Variants in PREX2 observed in about 807,000 individuals in gnomAD.
PREX2 encodes phosphatidylinositol 3,4,5-trisphosphate-dependent Rac exchanger 2 protein.
In PREX2, 107 loss-of-function variants were observed where a neutral mutation model predicts 203.2. That is an observed-to-expected ratio of 0.53 (90% CI 0.45 to 0.62). PREX2 has a LOEUF of 0.62. PREX2 is among the 20% of genes least tolerant of loss of function. The pLI is 0.00. For missense variants in PREX2, 1,777 were observed against 1,955.9 expected (o/e 0.91, Z 1.72); for synonymous variants, 672 against 663.6 (o/e 1.01, Z -0.19).
chr8:68,230,200 A>G (rs1813139014), intron 39 of PREX2, among the ~76,000 whole-genome samples: 1 of 152,226 alleles, frequency 6.6e-6, no homozygotes, highest in Non-Finnish European at 1.5e-5. Flanking sequence ...TTGATCTATA[A>G]TTAGCATGGG....
intron 39 of PREX2, among the ~76,000 whole-genome samples, chr8:68,229,511 C>A (rs527645652): frequency 1.3e-5 from 2 of 152,288 alleles, no homozygotes; most frequent in East Asian, 3.9e-4. Flanking sequence ...ACTCAAATAA[C>A]CCTGAGTCAC....
chr8:67,956,416 T>G (rs937892077), intron 1 of PREX2, among the ~76,000 whole-genome samples: 5 of 152,264 alleles, frequency 3.3e-5, no homozygotes, highest in African/African-American at 1.2e-4. Flanking sequence ...GCTCTGCTAT[T>G]GCCATCTTGA....
At chr8:68,224,714 G>C (rs1211999966) in intron 39 of PREX2, 88 bp downstream of exon 39, 5 of 959,074 alleles carry the variant, frequency 5.2e-6, no homozygotes, top group Admixed American at 1.9e-5. Context: ...ACTGATCTAG[G>C]ATGTGCCCCG....
chr8:68,097,290 G>A (rs554743300), intron 22 of PREX2, 89 bp downstream of exon 22: 3 of 1,046,236 alleles, frequency 2.9e-6, no homozygotes, highest in East Asian at 5.2e-5. Flanking sequence ...AATAAAAATA[G>A]CTATACATGT....
intron 8 of PREX2, among the ~76,000 whole-genome samples, chr8:68,050,912 G>C (rs1808509254): frequency 6.6e-6 from 1 of 152,118 alleles, no homozygotes; most frequent in Admixed American, 6.6e-5. Flanking sequence ...AGCATGGTGG[G>C]AACATATTAG....
rs147655114 is a variant in PREX2 at position 67,995,662 on chromosome 8, G to A, written c.142-22184G>A. On this transcript the variant is annotated intron_variant, in intron 1 of 39. Transcript: ENST00000288368. ...TACATCTTAATGGATGGTATTTATG[G>A]GAAGCATTGATATGCTCGTTGTGTT... 1.1e-4 allele frequency among the ~76,000 whole-genome samples: 17 copies of A among 152,226 alleles called. No homozygotes were observed. The East Asian group carries it at 3.3e-3, about 29-fold the overall frequency.
At chr8:67,995,225 T>A (rs1019155392) in intron 1 of PREX2, among the ~76,000 whole-genome samples, 2 of 152,186 alleles carry the variant, frequency 1.3e-5, no homozygotes, top group African/African-American at 2.4e-5. Context: ...TGATTACATT[T>A]TTTGTGATAA....
At chr8:68,229,777 GC>G (rs1813130400) in intron 39 of PREX2, among the ~76,000 whole-genome samples, 2 of 152,176 alleles carry the variant, frequency 1.3e-5, no homozygotes, top group Non-Finnish European at 2.9e-5. Flanking sequence ...ACGTGACTAA[GC>G]CCATTGTGCC....
chr8:68,089,896 A>G lies in PREX2; in HGVS notation c.2114-683A>G, dbSNP rs550202945. On this transcript the variant is annotated intron_variant, in intron 19 of 39. Transcript: ENST00000288368. ...TGATTTGATCACACTATCAAATAAC[A>G]ATAATTGGAAGGTTGTGAGAAATCT... Among the ~76,000 whole-genome samples, 173 of 152,286 alleles carry G rather than the reference A, an allele frequency of 1.1e-3. 3 individuals carry two copies. In the South Asian group the frequency reaches 0.035, roughly 31 times the overall value.
rs966277181 is a variant in PREX2, at chr8:67,986,302, C to A, written c.142-31544C>A. ...GGTACAGAGAAATTAGAGAAATTCC[C>A]AGAATCACCCAGCTCGGAAGTAGCA... On this transcript the variant is annotated intron_variant, in intron 1 of 39. Transcript: ENST00000288368. 6.6e-5 allele frequency among the ~76,000 whole-genome samples: 10 copies of A among 151,972 alleles called. No individual in the cohort carries two copies. In the East Asian group the frequency reaches 1.7e-3, roughly 27 times the overall value.
chr8:68,178,375 T>C (rs930295786), intron 35 of PREX2, among the ~76,000 whole-genome samples: 1 of 152,180 alleles, frequency 6.6e-6, no homozygotes, highest in Non-Finnish European at 1.5e-5. Flanking sequence ...TAATGATCAG[T>C]GATGTTGAGC....
At chr8:68,015,022 A>T (rs1175503726) in intron 1 of PREX2, among the ~76,000 whole-genome samples, 2 of 152,222 alleles carry the variant, frequency 1.3e-5, no homozygotes, top group East Asian at 3.9e-4. Flanking sequence ...CAAGATGAAG[A>T]TTATCTGATT....
rs541061069 is a variant in PREX2 at position 68,091,053 on chromosome 8, A to G, written c.2250+338A>G. Among the ~76,000 whole-genome samples, 6 of 152,274 alleles carry G rather than the reference A, an allele frequency of 3.9e-5. No homozygotes were observed. In the South Asian group the frequency reaches 6.2e-4, roughly 16 times the overall value. ...GATTGCTTTAGAATATGTAATGATC[A>G]TTGTGTCTGTGTCTGTATGTATGAA... On this transcript the variant is annotated intron_variant, in intron 20 of 39. Coordinates refer to ENST00000288368, the MANE Select transcript of PREX2 (RefSeq NM_024870.4).
chr8:67,977,656 C>A (rs1477782314), intron 1 of PREX2, among the ~76,000 whole-genome samples: 3 of 152,080 alleles, frequency 2.0e-5, no homozygotes, highest in Non-Finnish European at 4.4e-5. Flanking sequence ...AGGGTTGGGA[C>A]TTTTCAGCCC....
At chr8:68,204,152 C>A (rs534414098) in intron 37 of PREX2, among the ~76,000 whole-genome samples, 16 of 152,098 alleles carry the variant, frequency 1.1e-4, no homozygotes, top group Non-Finnish European at 8.8e-5. Flanking sequence ...AAGGTCCTAA[C>A]ACACTGCTGT....
intron 4 of PREX2, among the ~76,000 whole-genome samples, chr8:68,023,501 T>G (rs947916239): frequency 6.6e-6 from 1 of 152,194 alleles, no homozygotes; most frequent in Admixed American, 6.6e-5. Flanking sequence ...TGTAAATGTT[T>G]GTTATTTCAG....
chr8:68,157,369 G>A lies in PREX2; in HGVS notation c.4279G>A (p.Glu1427Lys), dbSNP rs777049204. The change falls in exon 35 of 40, where the codon GAA becomes AAA. Residue 1427 changes from glutamate to lysine, a missense_variant. Physicochemically the swap from Glu to Lys is moderately conservative, Grantham distance 56 (BLOSUM62 1). Coordinates refer to ENST00000288368, the MANE Select transcript of PREX2 (RefSeq NM_024870.4). ...TTATTACAGAGACAATGTTTCTGTGGAAGAATTTCAAGCTCAGATAAATGC... is the reference window on the plus strand; with the variant it reads ...TTATTACAGAGACAATGTTTCTGTGAAAGAATTTCAAGCTCAGATAAATGC... Reference protein sequence around the residue: ...GYYYRDNVSVEEFQAQINAAS... With the variant: ...GYYYRDNVSVKEFQAQINAAS... The A allele has an allele frequency of 1.2e-6, 2 of 1,612,686 alleles. No individual in the cohort carries two copies.
chr8:68,133,117 G>T (rs908269690), intron 31 of PREX2, among the ~76,000 whole-genome samples: 1 of 152,142 alleles, frequency 6.6e-6, no homozygotes, highest in African/African-American at 2.4e-5. Flanking sequence ...GGGGAAGGAG[G>T]CATGTCTTAC....
At chr8:68,195,303 A>G (rs1190069037) in intron 37 of PREX2, among the ~76,000 whole-genome samples, 3 of 152,198 alleles carry the variant, frequency 2.0e-5, no homozygotes, top group Non-Finnish European at 4.4e-5. Context: ...AAATACTTTA[A>G]CTTTCTTGAT....
Sources: allele counts gnomAD v4.1 joint callset (sites outside exome capture counted in the v4.1 genomes callset), GRCh38; gene constraint gnomAD v4.1.1; transcripts MANE v1.5; gene names NCBI Gene and HGNC (gene_info 2026-07-23, HGNC 2026-07-21).